Variants in SPSB4 observed in about 807,000 individuals in gnomAD.
The protein encoded by SPSB4 is SPRY domain-containing SOCS box protein 4.
A neutral mutation model predicts 20.9 loss-of-function variants in SPSB4; 21 were observed. The ratio of observed to expected loss-of-function variants is 1.01; its 90% CI spans 0.71 to 1.45. The LOEUF is 1.45. SPSB4 is among the 40% of genes most tolerant of loss of function. The probability of loss-of-function intolerance (pLI) is 0.00; values close to 1 mark genes in which losing one functional copy is unlikely to be tolerated. For synonymous variants in SPSB4, 207 were observed against 183.8 expected (o/e 1.13, Z -1.02); for missense variants, 399 against 399.2 (o/e 1.00, Z 0.00).
chr3:141,104,440 G>T (rs1282811035), intron 2 of SPSB4, among the ~76,000 whole-genome samples: 3 of 152,196 alleles, frequency 2.0e-5, no homozygotes, highest in Non-Finnish European at 4.4e-5. Context: ...CTCCCAGGTG[G>T]CTGCCACTGA....
chr3:141,068,684 A>G (rs1937936593), intron 2 of SPSB4, among the ~76,000 whole-genome samples: 1 of 152,220 alleles, frequency 6.6e-6, no homozygotes, highest in Non-Finnish European at 1.5e-5. Flanking sequence ...CACCAATAAT[A>G]TGGTAGCTGA....
At chr3:141,080,407 T>C (rs1544904) in intron 2 of SPSB4, 152,012 of 152,420 alleles carry the variant, frequency 1, 75,804 homozygotes, top group Middle Eastern at 1. Context: ...GCGTGAGCTT[T>C]GGTAAGTCTC....
At chr3:141,128,796 C>T (rs1372024540) in intron 2 of SPSB4, among the ~76,000 whole-genome samples, 1 of 152,110 alleles carries the variant, frequency 6.6e-6, no homozygotes, top group East Asian at 1.9e-4. Context: ...AAGTCAGCTT[C>T]TAGAAAGAGG....
chr3:141,115,833 G>A (rs537439122), intron 2 of SPSB4, among the ~76,000 whole-genome samples: 2 of 152,002 alleles, frequency 1.3e-5, no homozygotes, highest in South Asian at 2.1e-4. Flanking sequence ...GTTCCTCTTG[G>A]GCCTAATTGG....
chr3:141,144,528 G>A (rs1046640107), intron 2 of SPSB4, among the ~76,000 whole-genome samples: 1 of 152,228 alleles, frequency 6.6e-6, no homozygotes. Flanking sequence ...CCAACGTTGG[G>A]CACTCTCCGA....
intron 2 of SPSB4, among the ~76,000 whole-genome samples, chr3:141,089,383 G>T (rs773761478): frequency 2.1e-4 from 32 of 152,218 alleles, no homozygotes; most frequent in African/African-American, 7.5e-4. Flanking sequence ...CCTCAGAAAG[G>T]ATACACAGGA....
chr3:141,137,521 T>C (rs1038127397), intron 2 of SPSB4, among the ~76,000 whole-genome samples: 7 of 152,250 alleles, frequency 4.6e-5, no homozygotes, highest in Admixed American at 2.6e-4. Context: ...CAATACCTAA[T>C]TTATTGAGAG....
chr3:141,105,819 A>C (rs1288284656), intron 2 of SPSB4, among the ~76,000 whole-genome samples: 2 of 152,250 alleles, frequency 1.3e-5, no homozygotes, highest in African/African-American at 4.8e-5. Context: ...AATGCTTACT[A>C]CGTTTTTTAA....
At chr3:141,082,056 G>A (rs1938242965) in intron 2 of SPSB4, among the ~76,000 whole-genome samples, 1 of 152,108 alleles carries the variant, frequency 6.6e-6, no homozygotes, top group Non-Finnish European at 1.5e-5. Context: ...GGGAGCACAC[G>A]TCTTTCTCTT....
intron 1 of SPSB4, among the ~76,000 whole-genome samples, chr3:141,053,307 T>C (rs566831960): frequency 2.4e-4 from 34 of 143,554 alleles, no homozygotes; most frequent in African/African-American, 8.6e-4. Flanking sequence ...CCCAAGGGCA[T>C]ATTCCTCTGA....
At chr3:141,060,765 C>G (rs1937745602) in intron 1 of SPSB4, among the ~76,000 whole-genome samples, 1 of 152,210 alleles carries the variant, frequency 6.6e-6, no homozygotes, top group African/African-American at 2.4e-5. Context: ...GTCTTCTGTT[C>G]CACACATTCT....
At position 141,066,660 on chromosome 3, in the gene SPSB4, G is replaced by C; in HGVS notation, c.556G>C (p.Gly186Arg). The stretch of plus-strand genomic sequence containing the variant: ...GCTCGTGGTGCTGGACATGGATGAG[G>C]GCACACTCAGCTTCATCGTGGATGG... The part of the protein sequence containing the change: ...SLLVVLDMDE[G>R]TLSFIVDGQY... The change falls in exon 2 of 3, where the codon GGC becomes CGC. Residue 186 changes from glycine to arginine, a missense_variant. By Grantham distance (125) the Gly-to-Arg change is moderately radical (BLOSUM62 -2). Transcript: ENST00000310546. 1.2e-6 allele frequency: 2 copies of C among 1,613,218 alleles called. No individual in the cohort carries two copies. Among genetic ancestry groups the C allele is most frequent in the Non-Finnish European group, 1.7e-6 (2 of 1,179,790 alleles).
Position 141,066,648 on chromosome 3 carries a change from G to A in SPSB4, c.544G>A (p.Asp182Asn). 6.2e-7 allele frequency: 1 copy of A among 1,612,806 alleles called. No homozygotes were observed. Among genetic ancestry groups the A allele is most frequent in the Non-Finnish European group, 8.5e-7 (1 of 1,179,598 alleles). ...ALPDSLLVVL[D>N]MDEGTLSFIV... Reference sequence around the variant, plus strand: ...GCCCGACTCGCTGCTCGTGGTGCTGGACATGGATGAGGGCACACTCAGCTT... The same window carrying A: ...GCCCGACTCGCTGCTCGTGGTGCTGAACATGGATGAGGGCACACTCAGCTT... The change falls in exon 2 of 3, where the codon GAC becomes AAC. Residue 182 changes from aspartate to asparagine, a missense_variant. Coordinates refer to ENST00000310546, the MANE Select transcript of SPSB4 (RefSeq NM_080862.3).
intron 2 of SPSB4, among the ~76,000 whole-genome samples, chr3:141,126,445 C>T (rs902157388): frequency 6.6e-6 from 1 of 152,194 alleles, no homozygotes; most frequent in Non-Finnish European, 1.5e-5. Flanking sequence ...CCACAGAGAT[C>T]AAGGCTCCTG....
chr3:141,085,849 CAGAGCTGGCA>C (rs1938328913), intron 2 of SPSB4, among the ~76,000 whole-genome samples: 3 of 152,240 alleles, frequency 2.0e-5, no homozygotes, highest in Non-Finnish European at 4.4e-5. Flanking sequence ...CTCCTGCAAA[CAGAGCTGGCA>C]CATGGCCAGC....
chr3:141,075,004 G>T (rs1938078766), intron 2 of SPSB4, among the ~76,000 whole-genome samples: 1 of 152,210 alleles, frequency 6.6e-6, no homozygotes, highest in African/African-American at 2.4e-5. Context: ...GGACCAGAGA[G>T]CTGGGAGGCT....
intron 2 of SPSB4, among the ~76,000 whole-genome samples, chr3:141,093,068 C>T (rs1938485455): frequency 6.6e-6 from 1 of 152,026 alleles, no homozygotes; most frequent in African/African-American, 2.4e-5. Context: ...GGGGCTGAGA[C>T]CGCATGACAG....
intron 2 of SPSB4, among the ~76,000 whole-genome samples, chr3:141,117,950 G>T (rs752137580): frequency 1.1e-4 from 17 of 152,342 alleles, no homozygotes; most frequent in Non-Finnish European, 2.2e-4. Flanking sequence ...TGTGGATAGT[G>T]CTGCAATAAA....
chr3:141,141,040 C>G (rs1473768669), intron 2 of SPSB4, among the ~76,000 whole-genome samples: 4 of 152,264 alleles, frequency 2.6e-5, no homozygotes, highest in Non-Finnish European at 5.9e-5. Flanking sequence ...GTGGGCACCC[C>G]TCCCCCAGCC....
Sources: gnomAD v4.1 joint callset for allele counts (sites outside exome capture counted in the v4.1 genomes callset) on GRCh38, gnomAD v4.1.1 for gene constraint, MANE v1.5 for transcripts, NCBI Gene and HGNC (gene_info 2026-07-23, HGNC 2026-07-21) for gene names.